Variants in ADAMTS17 observed in about 807,000 individuals in gnomAD.
The protein encoded by ADAMTS17 is A disintegrin and metalloproteinase with thrombospondin motifs 17.
ADAMTS17 carries 113 observed loss-of-function variants against 141.5 expected under a neutral mutation model. That is an observed-to-expected ratio of 0.80 (90% CI 0.69 to 0.93). The LOEUF is 0.93. Ranked by LOEUF, ADAMTS17 falls within the 40% of genes least tolerant of loss-of-function variation. ADAMTS17 has a pLI of 0.00. For missense variants in ADAMTS17, 1,659 were observed against 1,517.9 expected (o/e 1.09, Z -1.54); for synonymous variants, 768 against 630.6 (o/e 1.22, Z -3.27).
chr15:100,180,784 T>C (rs1254541764), intron 8 of ADAMTS17, among the ~76,000 whole-genome samples: 1 of 152,230 alleles, frequency 6.6e-6, no homozygotes, highest in East Asian at 1.9e-4. Flanking sequence ...CTATTATAAA[T>C]GGGATTACCC....
At chr15:100,236,292 A>AAAAAC (rs1555490214) in intron 7 of ADAMTS17, among the ~76,000 whole-genome samples, 5 of 151,400 alleles carry the variant, frequency 3.3e-5, no homozygotes, top group African/African-American at 1.2e-4. Context: ...TTAAAAAAAA[A>AAAAAC]AAAAAAAACC....
chr15:100,073,664 C>CA (rs1157955272), intron 15 of ADAMTS17, among the ~76,000 whole-genome samples: 5 of 148,056 alleles, frequency 3.4e-5, no homozygotes, highest in Admixed American at 7.0e-5. Flanking sequence ...ATCACAAGGA[C>CA]AAAAAACCAA....
chr15:100,154,445 T>A (rs12324388), intron 9 of ADAMTS17, among the ~76,000 whole-genome samples: 50 of 152,294 alleles, frequency 3.3e-4, no homozygotes, highest in African/African-American at 1.1e-3. Flanking sequence ...TTGAATGTGC[T>A]ACTGGACTGA....
intron 3 of ADAMTS17, chr15:100,306,345 T>A (rs2045224544): frequency 2.6e-6 from 1 of 389,910 alleles, no homozygotes; most frequent in African/African-American, 2.1e-5. Context: ...GCAGCACAGC[T>A]CCTGCTGGGC....
intron 7 of ADAMTS17, among the ~76,000 whole-genome samples, chr15:100,252,182 T>G (rs74037600): frequency 0.014 from 2,119 of 152,294 alleles, 50 homozygotes; most frequent in African/African-American, 0.049. Context: ...CTTTTATATA[T>G]TCAAAAGAAA....
chr15:100,167,912 C>T (rs1188456614), intron 8 of ADAMTS17, among the ~76,000 whole-genome samples: 2 of 152,188 alleles, frequency 1.3e-5, no homozygotes, highest in South Asian at 4.1e-4. Context: ...TGTCACAGGG[C>T]CCGAGCTGCT....
At chr15:100,025,115 C>G (rs1301556137) in intron 18 of ADAMTS17, among the ~76,000 whole-genome samples, 1 of 152,156 alleles carries the variant, frequency 6.6e-6, no homozygotes, top group African/African-American at 2.4e-5. Flanking sequence ...GTAGTTTATA[C>G]TTTATATAAA....
At chr15:99,995,078 G>C (rs2060772850) in intron 19 of ADAMTS17, among the ~76,000 whole-genome samples, 1 of 152,230 alleles carries the variant, frequency 6.6e-6, no homozygotes, top group South Asian at 2.1e-4. Flanking sequence ...TTGCATGCAG[G>C]AGCAGGGGTA....
chr15:100,089,749 G>A (rs1346093662), intron 15 of ADAMTS17, among the ~76,000 whole-genome samples: 10 of 148,848 alleles, frequency 6.7e-5, no homozygotes, highest in Admixed American at 1.4e-4. Context: ...ACCAAACACC[G>A]CATGTTCTCA....
intron 18 of ADAMTS17, among the ~76,000 whole-genome samples, chr15:100,023,736 T>A (rs1287222682): frequency 1.3e-5 from 2 of 152,212 alleles, no homozygotes; most frequent in Non-Finnish European, 2.9e-5. Context: ...CTTCTAAATT[T>A]AATTAAATTC....
chr15:100,051,701 T>C lies in ADAMTS17; in HGVS notation c.2326A>G (p.Ile776Val). 6.2e-7 allele frequency: 1 copy of C among 1,614,198 alleles called. No individual in the cohort carries two copies. Among genetic ancestry groups the C allele is most frequent in the Non-Finnish European group, 8.5e-7 (1 of 1,180,040 alleles). Reference sequence around the variant, plus strand: ...ACAGGAACAGTGTATTCATAATGAATTCCATAATCTTGGTCGTGAAATAAC... The same window carrying C: ...ACAGGAACAGTGTATTCATAATGAACTCCATAATCTTGGTCGTGAAATAAC... Reference protein sequence around the residue: ...VLLFHDQDYGIHYEYTVPVNR... With the variant: ...VLLFHDQDYGVHYEYTVPVNR... Residue 776 changes from isoleucine (I) to valine (V), a missense_variant, in exon 17 of 22, where the codon ATT becomes GTT. By Grantham distance (29) the Ile-to-Val change is conservative. Transcript: ENST00000268070.
chr15:100,015,865 T>C (rs2061278736), intron 18 of ADAMTS17, among the ~76,000 whole-genome samples: 1 of 152,244 alleles, frequency 6.6e-6, no homozygotes, highest in African/African-American at 2.4e-5. Flanking sequence ...CTTTTTGCGA[T>C]GCATTTCCCA....
intron 8 of ADAMTS17, among the ~76,000 whole-genome samples, chr15:100,195,134 T>C (rs548348461): frequency 1.3e-5 from 2 of 152,154 alleles, no homozygotes; most frequent in South Asian, 4.2e-4. Context: ...AGGGCACGGG[T>C]GTACATTTAG....
At chr15:100,295,408 T>C (rs1269688492) in intron 3 of ADAMTS17, among the ~76,000 whole-genome samples, 2 of 152,116 alleles carry the variant, frequency 1.3e-5, no homozygotes, top group African/African-American at 2.4e-5. Flanking sequence ...GGTGAGGAGA[T>C]GGGGTTCCTT....
intron 18 of ADAMTS17, among the ~76,000 whole-genome samples, chr15:100,004,831 G>A (rs915222991): frequency 3.3e-5 from 5 of 152,130 alleles, no homozygotes; most frequent in Admixed American, 1.3e-4. Flanking sequence ...ATGTTGGCCA[G>A]GCTGGTCTTG....
intron 4 of ADAMTS17, among the ~76,000 whole-genome samples, chr15:100,279,426 T>C (rs965486358): frequency 2.0e-5 from 3 of 152,192 alleles, no homozygotes; most frequent in South Asian, 2.1e-4. Flanking sequence ...ATTCCGGGAA[T>C]AGGCATGTCA....
intron 10 of ADAMTS17, among the ~76,000 whole-genome samples, chr15:100,134,690 A>G (rs933963109): frequency 3.3e-5 from 5 of 152,246 alleles, no homozygotes; most frequent in African/African-American, 7.2e-5. Context: ...AGGGATAAAA[A>G]TAAGAGAAAG....
At chr15:100,115,342 C>T (rs963139466) in intron 13 of ADAMTS17, among the ~76,000 whole-genome samples, 4 of 152,218 alleles carry the variant, frequency 2.6e-5, no homozygotes, top group African/African-American at 7.2e-5. Flanking sequence ...TCCCCTCTCC[C>T]TCAACTGCAG....
intron 2 of ADAMTS17, among the ~76,000 whole-genome samples, chr15:100,334,912 G>A (rs932682517): frequency 6.6e-6 from 1 of 152,106 alleles, no homozygotes; most frequent in Non-Finnish European, 1.5e-5. Context: ...CTTCCTTTCT[G>A]AGGCTTGCCA....
Sources: allele counts gnomAD v4.1 joint callset (sites outside exome capture counted in the v4.1 genomes callset), GRCh38; gene constraint gnomAD v4.1.1; transcripts MANE v1.5; gene names NCBI Gene and HGNC (gene_info 2026-07-23, HGNC 2026-07-21).